Variants in HBS1L observed in about 807,000 individuals in gnomAD.
The protein encoded by HBS1L is HBS1-like protein.
HBS1L carries 55 observed loss-of-function variants against 88.9 expected under a neutral mutation model. That is an observed-to-expected ratio of 0.62 (90% CI 0.50 to 0.77). HBS1L has a LOEUF of 0.77. Ranked by LOEUF, HBS1L falls within the 30% of genes least tolerant of loss-of-function variation. The pLI is 0.00. For synonymous variants in HBS1L, 267 were observed against 288.5 expected, an observed-to-expected ratio of 0.93 and a Z score of 0.76; for missense variants, 741 against 829.3, an observed-to-expected ratio of 0.89 and a Z score of 1.31.
At chr6:135,037,130 C>A (rs1349754863) in intron 4 of HBS1L, 1 of 1,551,604 alleles carries the variant, frequency 6.4e-7, no homozygotes, top group Admixed American at 2.0e-5. Context: ...GTGGGAGAAG[C>A]TTTATGAAAT....
intron 2 of HBS1L, 124 bp from the exon 3 acceptor site, chr6:135,042,250 G>C: frequency 1.3e-6 from 1 of 796,648 alleles, no homozygotes; most frequent in Non-Finnish European, 1.9e-6. Flanking sequence ...TATTTCATAA[G>C]GGATGAAAAC....
chr6:135,001,887 A>G (rs1775468929), intron 5 of HBS1L, among the ~76,000 whole-genome samples: 1 of 151,908 alleles, frequency 6.6e-6, no homozygotes, highest in African/African-American at 2.4e-5. Context: ...TAAGGAAAAA[A>G]AAAATAAATA....
At chr6:135,001,175 T>C (rs1046914077) in intron 5 of HBS1L, among the ~76,000 whole-genome samples, 1 of 152,192 alleles carries the variant, frequency 6.6e-6, no homozygotes, top group African/African-American at 2.4e-5. Context: ...AATAAATATT[T>C]AATAACTATT....
intron 16 of HBS1L, 122 bp downstream of exon 16, chr6:134,969,116 A>T: frequency 1.5e-6 from 1 of 661,216 alleles, no homozygotes; most frequent in South Asian, 1.9e-5. Context: ...TTGAAAAAAT[A>T]ATTTCTGGAA....
At chr6:135,049,074 T>C (rs11963222) in intron 2 of HBS1L, among the ~76,000 whole-genome samples, 2,113 of 152,272 alleles carry the variant, frequency 0.014, 68 homozygotes, top group African/African-American at 0.048. Context: ...TAGAGGGTAA[T>C]TAAGACAAGG....
chr6:135,028,199 CAGG>C (rs1388395189), intron 4 of HBS1L, among the ~76,000 whole-genome samples: 1 of 149,358 alleles, frequency 6.7e-6, no homozygotes, highest in Non-Finnish European at 1.5e-5. Context: ...TGAATTAAAC[CAGG>C]AGAACTAATT....
intron 13 of HBS1L, chr6:134,982,208 G>GA (rs1207617231): frequency 2.6e-6 from 1 of 389,762 alleles, no homozygotes; most frequent in African/African-American, 2.1e-5. Context: ...AGGCTTCTCA[G>GA]ATCTGTGTCA....
intron 4 of HBS1L, among the ~76,000 whole-genome samples, chr6:135,008,291 C>G (rs1265492954): frequency 6.6e-6 from 1 of 152,234 alleles, no homozygotes; most frequent in African/African-American, 2.4e-5. Flanking sequence ...AGCTGAAGGG[C>G]TACCCAACTG....
chr6:134,989,517 T>C (rs1775072450), intron 8 of HBS1L, among the ~76,000 whole-genome samples: 1 of 152,206 alleles, frequency 6.6e-6, no homozygotes. Context: ...CCTTTACTTC[T>C]GTGCTCTCCA....
In HBS1L at chr6:134,962,277, T is replaced by C. The variant is rs1774205313; in HGVS notation, c.*3002A>G. 1 of 152,174 alleles carries C rather than the reference T, an allele frequency of 6.6e-6. No homozygotes were observed. The highest frequency in any genetic ancestry group is 1.9e-4 in the East Asian group (1 of 5,206). 9.4% of individuals were successfully genotyped at this position (152,174 alleles called of 1,614,324 possible). A position where few individuals can be genotyped will look rare whatever the true frequency, so the allele number is the denominator to read the frequency against. On this transcript the variant is annotated 3_prime_UTR_variant, in exon 18 of 18. Transcript: ENST00000367837. Reference sequence around the variant, plus strand: ...CCTCTAATACTTCTATTGAAAAATATTGATTACATAACAACATGAAAATAA... The same window carrying C: ...CCTCTAATACTTCTATTGAAAAATACTGATTACATAACAACATGAAAATAA...
At chr6:135,052,068 C>A (rs1777103027) in intron 1 of HBS1L, among the ~76,000 whole-genome samples, 1 of 152,096 alleles carries the variant, frequency 6.6e-6, no homozygotes, top group Non-Finnish European at 1.5e-5. Context: ...AATATAATAT[C>A]CAAACCAATT....
At chr6:135,012,881 G>A (rs748753939) in intron 4 of HBS1L, among the ~76,000 whole-genome samples, 40 of 152,208 alleles carry the variant, frequency 2.6e-4, no homozygotes, top group Non-Finnish European at 5.1e-4. Flanking sequence ...CTCCAGCAAT[G>A]TATGAAGAAA....
At chr6:135,012,917 T>C (rs1775814517) in intron 4 of HBS1L, among the ~76,000 whole-genome samples, 1 of 152,210 alleles carries the variant, frequency 6.6e-6, no homozygotes, top group Non-Finnish European at 1.5e-5. Flanking sequence ...TTCACAAAGA[T>C]TTACTGAGAG....
At chr6:134,967,067 C>G (rs1774338301) in intron 16 of HBS1L, among the ~76,000 whole-genome samples, 1 of 152,264 alleles carries the variant, frequency 6.6e-6, no homozygotes, top group South Asian at 2.1e-4. Flanking sequence ...ACATAAGTAG[C>G]TTTTCCACAA....
At chr6:135,027,333 A>C (rs564186102) in intron 4 of HBS1L, 5 of 152,260 alleles carry the variant, frequency 3.3e-5, no homozygotes, top group African/African-American at 1.2e-4. Flanking sequence ...AAACTCAATA[A>C]ACAGAGTACA....
chr6:135,030,373 C>CA, intron 4 of HBS1L, among the ~76,000 whole-genome samples: 1 of 151,896 alleles, frequency 6.6e-6, no homozygotes, highest in African/African-American at 2.4e-5. Flanking sequence ...ATCGAAACTG[C>CA]AATTCAAACA....
intron 7 of HBS1L, among the ~76,000 whole-genome samples, chr6:134,995,539 T>C (rs898704589): frequency 3.9e-5 from 6 of 152,080 alleles, no homozygotes; most frequent in Non-Finnish European, 7.4e-5. Flanking sequence ...TCAAATAGAT[T>C]ATTAGTTCAC....
intron 4 of HBS1L, among the ~76,000 whole-genome samples, chr6:135,023,090 CTT>C (rs879525024): frequency 2.1e-5 from 3 of 145,682 alleles, no homozygotes; most frequent in Non-Finnish European, 3.0e-5. Flanking sequence ...TGTTCTTTAT[CTT>C]TTTTTTTTTT....
At chr6:134,970,592 T>A (rs1201928991) in intron 15 of HBS1L, among the ~76,000 whole-genome samples, 2 of 152,246 alleles carry the variant, frequency 1.3e-5, no homozygotes, top group Non-Finnish European at 2.9e-5. Context: ...TATTTCCATG[T>A]TTTATATGTA....
Sources: allele counts gnomAD v4.1 joint callset (sites outside exome capture counted in the v4.1 genomes callset), GRCh38; gene constraint gnomAD v4.1.1; transcripts MANE v1.5; gene names NCBI Gene and HGNC (gene_info 2026-07-23, HGNC 2026-07-21).